Variants in MKLN1 observed in about 807,000 individuals in gnomAD.
MKLN1 encodes the protein muskelin.
Under a neutral mutation model 99.0 loss-of-function variants are expected in MKLN1, and 18 were observed. The ratio of observed to expected loss-of-function variants is 0.18; its 90% CI spans 0.13 to 0.27. The LOEUF (loss-of-function observed/expected upper bound fraction) is 0.27. MKLN1 is among the 10% of genes least tolerant of loss of function. The probability of loss-of-function intolerance (pLI) is 1.00; values close to 1 mark genes in which losing one functional copy is unlikely to be tolerated. For missense variants in MKLN1, 621 were observed against 875.9 expected, an observed-to-expected ratio of 0.71 and a Z score of 3.67; for synonymous variants, 288 against 293.2, an observed-to-expected ratio of 0.98 and a Z score of 0.18.
chr7:131,202,146 C>CTTTTTTTTTTTTTTTTTTTT (rs58800874), intron 2 of MKLN1, among the ~76,000 whole-genome samples: 1 of 60,274 alleles, frequency 1.7e-5, no homozygotes. Context: ...GCACTATTGA[C>CTTTTTTTTTTTTTTTTTTTT]TTTTTTTTTT....
chr7:131,462,785 T>C (rs1228247204), intron 12 of MKLN1, among the ~76,000 whole-genome samples: 2 of 152,184 alleles, frequency 1.3e-5, no homozygotes, highest in African/African-American at 4.8e-5. Flanking sequence ...AAGTTAAGTA[T>C]GTGGACACAT....
At chr7:131,327,804 G>A (rs1434132360), upstream of MKLN1, 17 of 1,473,878 alleles carry the variant, frequency 1.2e-5, no homozygotes, top group Non-Finnish European at 1.3e-5. Flanking sequence ...GCGGGCGGCC[G>A]GGGAGGGCGG....
intron 2 of MKLN1, among the ~76,000 whole-genome samples, chr7:131,176,932 A>G (rs996500769): frequency 3.3e-5 from 5 of 152,220 alleles, no homozygotes; most frequent in African/African-American, 1.2e-4. Context: ...TCATATAGGT[A>G]AATGGGCCTC....
chr7:131,115,849 G>A (rs55968167), intron 1 of MKLN1, among the ~76,000 whole-genome samples: 10 of 151,980 alleles, frequency 6.6e-5, no homozygotes, highest in East Asian at 1.9e-4. Context: ...CCCTGACCAC[G>A]CCACCTGAAG....
intron 4 of MKLN1, among the ~76,000 whole-genome samples, chr7:131,393,706 A>G (rs1794273254): frequency 6.6e-6 from 1 of 152,168 alleles, no homozygotes; most frequent in Non-Finnish European, 1.5e-5. Context: ...AGCTCACTGT[A>G]ACACTGAACT....
intron 2 of MKLN1, among the ~76,000 whole-genome samples, chr7:131,186,763 C>A (rs552000078): frequency 6.6e-6 from 1 of 152,148 alleles, no homozygotes; most frequent in Non-Finnish European, 1.5e-5. Flanking sequence ...GTGCCTGGCC[C>A]ATAGTAAGTG....
chr7:131,144,083 A>G (rs1321022747), intron 2 of MKLN1, among the ~76,000 whole-genome samples: 1 of 152,174 alleles, frequency 6.6e-6, no homozygotes, highest in East Asian at 1.9e-4. Flanking sequence ...AAGCATTATG[A>G]GGGCAGGCAA....
rs1799702748 is a variant in MKLN1, at chr7:131,350,962, A to G, written c.98+22965A>G. Among the ~76,000 whole-genome samples, 2 of 152,226 alleles carry G rather than the reference A, an allele frequency of 1.3e-5. 1 individual carries two copies. The highest frequency in any genetic ancestry group is 4.1e-4 in the South Asian group (2 of 4,834). ...GATTTAGCAGTAATTCTTTAATTAC[A>G]ATTAATACCTAGTCCATATTTAATT... On this transcript the variant is annotated intron_variant, in intron 1 of 17. Coordinates refer to ENST00000352689, the MANE Select transcript of MKLN1 (RefSeq NM_013255.5).
At chr7:131,149,762 C>T (rs916703372) in intron 2 of MKLN1, among the ~76,000 whole-genome samples, 1 of 152,144 alleles carries the variant, frequency 6.6e-6, no homozygotes, top group Non-Finnish European at 1.5e-5. Flanking sequence ...TAATTTACTA[C>T]AGTTGAGGTT....
intron 2 of MKLN1, among the ~76,000 whole-genome samples, chr7:131,164,104 C>CTTTGTT (rs1210710239): frequency 6.6e-6 from 1 of 152,006 alleles, no homozygotes; most frequent in South Asian, 2.1e-4. Flanking sequence ...GACTTACTTG[C>CTTTGTT]TTTGTTTTTG....
chr7:131,133,819 G>GTTTTTTTTTTTTTTTTTTTT lies in MKLN1; in HGVS notation c.-418-9001_-418-9000insTTTTTTTTTTTTTTTTTTTT, dbSNP rs1563226557. On this transcript the variant is annotated intron_variant, in intron 1 of 7. Coordinates refer to the MKLN1 transcript ENST00000416992. ...ACTTCTTTTTTTTTTTTTTTAATTT[G>GTTTTTTTTTTTTTTTTTTTT]GTTTTTTTTTTTTTTTTTTTTTTTT... 5.9e-5 allele frequency among the ~76,000 whole-genome samples: 4 copies of GTTTTTTTTTTTTTTTTTTTT among 67,240 alleles called. 2 individuals are homozygous for GTTTTTTTTTTTTTTTTTTTT. Among genetic ancestry groups the GTTTTTTTTTTTTTTTTTTTT allele is most frequent in the African/African-American group, 1.0e-4 (2 of 19,614 alleles). The allele number at this position is 67,240 out of a possible 152,430, so 44.1% of individuals were successfully genotyped here. A position where few individuals can be genotyped will look rare whatever the true frequency, so the allele number is the denominator to read the frequency against.
intron 1 of MKLN1, among the ~76,000 whole-genome samples, chr7:131,361,470 A>G (rs1322630850): frequency 6.6e-6 from 1 of 151,838 alleles, no homozygotes; most frequent in East Asian, 1.9e-4. Context: ...GTTATTTTAC[A>G]TTCACTATCT....
At chr7:131,135,495 T>C (rs975813293) in intron 1 of MKLN1, among the ~76,000 whole-genome samples, 15 of 152,152 alleles carry the variant, frequency 9.9e-5, no homozygotes, top group African/African-American at 1.9e-4. Context: ...ATGGACTGGA[T>C]TGACAATTGC....
intron 3 of MKLN1, among the ~76,000 whole-genome samples, chr7:131,300,212 C>T (rs1373158552): frequency 1.3e-5 from 2 of 150,938 alleles, no homozygotes; most frequent in Non-Finnish European, 2.9e-5. Flanking sequence ...GGTGCAGAGG[C>T]TAAGAAAGAA....
At chr7:131,127,617 C>T (rs1028880001) in intron 1 of MKLN1, among the ~76,000 whole-genome samples, 3 of 152,226 alleles carry the variant, frequency 2.0e-5, no homozygotes, top group African/African-American at 7.2e-5. Context: ...TGTGAAGATA[C>T]TCAGAACAGT....
rs192296598 is a variant in MKLN1, at chr7:131,430,620, C to T, written c.960+1475C>T. 1.4e-3 allele frequency among the ~76,000 whole-genome samples: 207 copies of T among 152,288 alleles called. 1 individual carries two copies. The highest frequency in any genetic ancestry group is 4.5e-3 in the African/African-American group (185 of 41,560). ...CTAAGATCCAACAGTTCTCCAAGTG[C>T]CTGGCATGATCCAACAGGTCATCCA... On this transcript the variant is annotated intron_variant, in intron 9 of 17. Transcript: ENST00000352689.
At chr7:131,307,282 G>A (rs1197514060) in intron 3 of MKLN1, among the ~76,000 whole-genome samples, 1 of 152,154 alleles carries the variant, frequency 6.6e-6, no homozygotes, top group African/African-American at 2.4e-5. Flanking sequence ...TCTGCTGCAG[G>A]GGTAGTGCCC....
At chr7:131,117,796 A>T (rs1207927768) in intron 1 of MKLN1, among the ~76,000 whole-genome samples, 2 of 152,194 alleles carry the variant, frequency 1.3e-5, no homozygotes, top group African/African-American at 4.8e-5. Context: ...GAGAGAAATG[A>T]TGAGAGCCAA....
At chr7:131,133,480 AG>A (rs1795593383) in intron 1 of MKLN1, among the ~76,000 whole-genome samples, 1 of 149,104 alleles carries the variant, frequency 6.7e-6, no homozygotes, top group African/African-American at 2.5e-5. Flanking sequence ...CAGCCTCCTG[AG>A]TAGCTGGGAT....
Sources: gnomAD v4.1 joint callset for allele counts (sites outside exome capture counted in the v4.1 genomes callset) on GRCh38, gnomAD v4.1.1 for gene constraint, MANE v1.5 for transcripts, NCBI Gene and HGNC (gene_info 2026-07-23, HGNC 2026-07-21) for gene names.